Variants in GRM8 observed in about 807,000 individuals in gnomAD.
GRM8 encodes glutamate metabotropic receptor 8.
In GRM8, 47 loss-of-function variants were observed where a neutral mutation model predicts 87.2. The observed-to-expected ratio is 0.54, with a 90% confidence interval of 0.43 to 0.69. The LOEUF (loss-of-function observed/expected upper bound fraction) is 0.69, where lower values mean the gene tolerates loss of function less well. GRM8 is among the 30% of genes least tolerant of loss of function. The probability of loss-of-function intolerance (pLI) is 0.00; values close to 1 mark genes in which losing one functional copy is unlikely to be tolerated. For missense variants in GRM8, 1,019 were observed against 1,139.2 expected (o/e 0.89, Z 1.52); for synonymous variants, 396 against 404.5 (o/e 0.98, Z 0.25).
At chr7:126,769,225 C>T (rs533965332) in intron 7 of GRM8, among the ~76,000 whole-genome samples, 1 of 152,054 alleles carries the variant, frequency 6.6e-6, no homozygotes, top group Admixed American at 6.6e-5. Context: ...TTCAGACAGG[C>T]AGTTGGGCTA....
chr7:127,010,563 C>T (rs1295287971), intron 3 of GRM8, among the ~76,000 whole-genome samples: 3 of 152,080 alleles, frequency 2.0e-5, no homozygotes, highest in Non-Finnish European at 4.4e-5. Flanking sequence ...CAATCCTTTT[C>T]CCAGTATTTG....
chr7:126,864,936 G>A (rs866675457), intron 6 of GRM8, among the ~76,000 whole-genome samples: 15 of 152,308 alleles, frequency 9.8e-5, no homozygotes, highest in Admixed American at 2.6e-4. Flanking sequence ...TGTGAGCATA[G>A]TGTAAATTCA....
rs1283140998 is a variant in GRM8 at position 127,038,342 on chromosome 7, AT to A, written c.727+68153del. ...TACAGTACACATGATTTATAGAAAA[AT>A]ACGAGAGGAGAGGATGGGCCAAAGT... On this transcript the variant is annotated intron_variant, in intron 3 of 10. Coordinates refer to ENST00000339582, the MANE Select transcript of GRM8 (RefSeq NM_000845.3). Among the ~76,000 whole-genome samples the A allele has an allele frequency of 2.4e-4, 37 of 152,318 alleles. 1 individual carries two copies. Among genetic ancestry groups the A allele is most frequent in the African/African-American group, 8.2e-4 (34 of 41,572 alleles).
intron 6 of GRM8, among the ~76,000 whole-genome samples, chr7:126,828,544 G>T (rs2130352399): frequency 6.6e-6 from 1 of 152,110 alleles, no homozygotes; most frequent in African/African-American, 2.4e-5. Context: ...TATTTCTGAG[G>T]GATTGGTGGT....
intron 2 of GRM8, among the ~76,000 whole-genome samples, chr7:127,140,874 T>G (rs914337938): frequency 5.3e-5 from 8 of 151,742 alleles, no homozygotes; most frequent in African/African-American, 1.9e-4. Context: ...TCACTCCATG[T>G]TGATAATGTA....
chr7:127,138,035 CCTCT>C (rs1828038336), intron 2 of GRM8, among the ~76,000 whole-genome samples: 1 of 152,044 alleles, frequency 6.6e-6, no homozygotes, highest in South Asian at 2.1e-4. Flanking sequence ...TTACTTTCTC[CCTCT>C]CTCTTCTCTA....
rs558183788 is a variant in GRM8 at position 127,159,605 on chromosome 7, T to TA, written c.511-52894dup. Among the ~76,000 whole-genome samples the TA allele has an allele frequency of 9.9e-5, 15 of 152,274 alleles. No individual in the cohort carries two copies. In the East Asian group the frequency reaches 1.4e-3, roughly 14 times the overall value. ...AATGACAGGACTGAAAGTTGAACTT[T>TA]AAAAAAATTGTAATTTTTAAATTGT... On this transcript the variant is annotated intron_variant, in intron 2 of 10. Transcript: ENST00000339582.
chr7:126,554,868 G>C (rs1483544103), intron 8 of GRM8, among the ~76,000 whole-genome samples: 2 of 152,102 alleles, frequency 1.3e-5, no homozygotes, highest in Non-Finnish European at 2.9e-5. Flanking sequence ...ATATGGTTAA[G>C]ATTTATCATT....
At chr7:126,480,532 T>C (rs374582916) in intron 9 of GRM8, among the ~76,000 whole-genome samples, 3 of 152,134 alleles carry the variant, frequency 2.0e-5, no homozygotes, top group African/African-American at 7.2e-5. Flanking sequence ...AGCTACTGTA[T>C]ACATATACCA....
intron 2 of GRM8, chr7:127,228,337 C>T (rs1797472920): frequency 6.6e-6 from 1 of 152,152 alleles, no homozygotes; most frequent in South Asian, 2.1e-4. Context: ...GGGAAGCTGT[C>T]AATAAACATT....
chr7:127,240,447 C>G (rs61753822), intron 2 of GRM8, among the ~76,000 whole-genome samples: 4,239 of 145,026 alleles, frequency 0.029, 85 homozygotes, highest in Middle Eastern at 0.07. Flanking sequence ...AAAATGCAAA[C>G]AAGCTTGGAA....
chr7:126,594,386 T>G (rs1796966621), intron 8 of GRM8, among the ~76,000 whole-genome samples: 1 of 151,998 alleles, frequency 6.6e-6, no homozygotes. Flanking sequence ...TGTATATACA[T>G]AATGGAATAC....
chr7:127,212,169 A>G (rs1284412325), intron 2 of GRM8, among the ~76,000 whole-genome samples: 1 of 152,200 alleles, frequency 6.6e-6, no homozygotes. Context: ...GGACAGAAAT[A>G]TATTTTCAAT....
At chr7:126,482,372 T>A (rs1020044829) in intron 9 of GRM8, among the ~76,000 whole-genome samples, 2 of 152,008 alleles carry the variant, frequency 1.3e-5, no homozygotes, top group South Asian at 4.1e-4. Flanking sequence ...GTAGCATTAT[T>A]CATAAGAGAT....
Position 126,904,556 on chromosome 7 carries a change from A to G in GRM8, c.855T>C (p.Asp285=). ...ARAVIMFANE[D]DIRRILEAAK... is the part of the protein sequence containing the mutation. ...AGAAAAGTAATCAGCACCTGATGTC[A>G]TCCTCATTGGCAAACATAATCACTG... The change falls in exon 4 of 11, where the codon GAT becomes GAC. Residue 285 remains aspartate, a synonymous_variant. Transcript: ENST00000339582. 6.2e-7 allele frequency: 1 copy of G among 1,613,610 alleles called. No individual in the cohort carries two copies. Among genetic ancestry groups the G allele is most frequent in the Non-Finnish European group, 8.5e-7 (1 of 1,179,564 alleles).
At chr7:126,935,619 T>C (rs1459109226) in intron 3 of GRM8, among the ~76,000 whole-genome samples, 1 of 152,150 alleles carries the variant, frequency 6.6e-6, no homozygotes, top group East Asian at 1.9e-4. Flanking sequence ...ACTCACTGAA[T>C]GGTGAGGGAT....
intron 7 of GRM8, among the ~76,000 whole-genome samples, chr7:126,748,000 C>G (rs189015371): frequency 6.4e-4 from 97 of 152,008 alleles, no homozygotes; most frequent in African/African-American, 2.2e-3. Context: ...TATTCTACAA[C>G]TAGCTTATAT....
intron 7 of GRM8, 83 bp downstream of exon 7, chr7:126,769,782 T>C: frequency 2.4e-6 from 2 of 846,766 alleles, no homozygotes; most frequent in South Asian, 1.5e-5. Context: ...TTTTCCACTC[T>C]GCCTGGGTAT....
At chr7:126,984,292 T>A (rs1811829605) in intron 3 of GRM8, among the ~76,000 whole-genome samples, 1 of 152,124 alleles carries the variant, frequency 6.6e-6, no homozygotes, top group African/African-American at 2.4e-5. Context: ...TAATATTGAG[T>A]GTCAACTTGA....
Sources: gnomAD v4.1 joint callset for allele counts (sites outside exome capture counted in the v4.1 genomes callset) on GRCh38, gnomAD v4.1.1 for gene constraint, MANE v1.5 for transcripts, NCBI Gene and HGNC (gene_info 2026-07-23, HGNC 2026-07-21) for gene names.